ANGPT1: variants seen among roughly 807,000 people sequenced by gnomAD.
ANGPT1 encodes the protein angiopoietin 1.
A neutral mutation model predicts 62.2 loss-of-function variants in ANGPT1; 17 were observed. That is an observed-to-expected ratio of 0.27 (90% CI 0.19 to 0.41). The LOEUF (loss-of-function observed/expected upper bound fraction) is 0.41, where lower values mean the gene tolerates loss of function less well. Among genes scored for constraint, ANGPT1 ranks in the 10% least tolerant of loss-of-function variants. The pLI, the probability that ANGPT1 is intolerant of heterozygous loss-of-function variation, is 1.00. For missense variants in ANGPT1, 478 were observed against 594.9 expected (o/e 0.80, Z 2.04); for synonymous variants, 199 against 198.9 (o/e 1.00, Z 0.00).
chr8:107,258,594 T>C (rs972780094), intron 8 of ANGPT1, among the ~76,000 whole-genome samples: 6 of 152,186 alleles, frequency 3.9e-5, no homozygotes, highest in African/African-American at 9.6e-5. Flanking sequence ...CATTTTCTGA[T>C]ACTCTTTGCT....
intron 1 of ANGPT1, among the ~76,000 whole-genome samples, chr8:107,440,549 T>C (rs1346152912): frequency 6.6e-6 from 1 of 152,228 alleles, no homozygotes; most frequent in Non-Finnish European, 1.5e-5. Context: ...CTAGCATGCA[T>C]TTTTGTTTAC....
intron 1 of ANGPT1, among the ~76,000 whole-genome samples, chr8:107,352,468 C>G (rs541009784): frequency 6.6e-6 from 1 of 152,244 alleles, no homozygotes; most frequent in East Asian, 1.9e-4. Context: ...CTATCATTCT[C>G]CATCATGAGA....
At chr8:107,480,107 T>C (rs1005937269) in intron 1 of ANGPT1, among the ~76,000 whole-genome samples, 18 of 152,166 alleles carry the variant, frequency 1.2e-4, no homozygotes, top group Non-Finnish European at 2.4e-4. Flanking sequence ...TTTCAATGCC[T>C]GTTATAGTGA....
chr8:107,385,698 T>A (rs2130287634), intron 1 of ANGPT1, among the ~76,000 whole-genome samples: 1 of 152,198 alleles, frequency 6.6e-6, no homozygotes, highest in African/African-American at 2.4e-5. Flanking sequence ...TGAACATCCT[T>A]GTTTCATTTC....
At chr8:107,375,012 C>T (rs1672186) in intron 1 of ANGPT1, among the ~76,000 whole-genome samples, 112,604 of 151,688 alleles carry the variant, frequency 0.74, 42,670 homozygotes, top group East Asian at 0.87. Flanking sequence ...ATACAAAAAT[C>T]AGCTGGGCGT....
At chr8:107,465,925 T>G (rs1471824683) in intron 1 of ANGPT1, among the ~76,000 whole-genome samples, 1 of 152,122 alleles carries the variant, frequency 6.6e-6, no homozygotes, top group African/African-American at 2.4e-5. Flanking sequence ...GGAGGTGCAG[T>G]TCTAGGAACA....
intron 1 of ANGPT1, among the ~76,000 whole-genome samples, chr8:107,392,433 A>C (rs1358123322): frequency 6.6e-6 from 1 of 152,160 alleles, no homozygotes. Context: ...TTCTATTTTG[A>C]CTAATAATAA....
chr8:107,252,162 T>C, intron 8 of ANGPT1, 147 bp from the exon 9 acceptor site: 1 of 790,980 alleles, frequency 1.3e-6, no homozygotes, highest in Non-Finnish European at 2.0e-6. Context: ...AGTAAATATA[T>C]TCCCAGTAGT....
At chr8:107,257,876 G>GTTTTTTTTTTTTTTTTTTTTTTTTTTT (rs1371396961) in intron 8 of ANGPT1, among the ~76,000 whole-genome samples, 12 of 85,300 alleles carry the variant, frequency 1.4e-4, no homozygotes, top group East Asian at 3.4e-4. Context: ...ACTTGTTTTT[G>GTTTTTTTTTTTTTTTTTTTTTTTTTTT]TTTCTTTTTT....
intron 6 of ANGPT1, among the ~76,000 whole-genome samples, chr8:107,287,758 G>C (rs1814177052): frequency 6.6e-6 from 1 of 152,122 alleles, no homozygotes; most frequent in African/African-American, 2.4e-5. Flanking sequence ...TTAAAGCCTT[G>C]AACTGCCACA....
At chr8:107,440,399 T>C (rs1377644597) in intron 1 of ANGPT1, among the ~76,000 whole-genome samples, 1 of 152,220 alleles carries the variant, frequency 6.6e-6, no homozygotes. Context: ...CTTTAGTTTA[T>C]AGGCAGGTAG....
chr8:107,453,083 A>G (rs1811820798), intron 1 of ANGPT1, among the ~76,000 whole-genome samples: 1 of 152,046 alleles, frequency 6.6e-6, no homozygotes, highest in Admixed American at 6.6e-5. Context: ...GTAAAGATGC[A>G]CATGTGTGTG....
At chr8:107,380,739 A>G (rs1311176784) in intron 1 of ANGPT1, among the ~76,000 whole-genome samples, 3 of 152,174 alleles carry the variant, frequency 2.0e-5, no homozygotes, top group Non-Finnish European at 4.4e-5. Context: ...TCTACTGCAT[A>G]TCATCCCCAC....
intron 1 of ANGPT1, among the ~76,000 whole-genome samples, chr8:107,409,976 TC>T (rs1586298718): frequency 6.7e-6 from 1 of 150,078 alleles, no homozygotes; most frequent in East Asian, 1.9e-4. Flanking sequence ...CATCCATCCA[TC>T]CATCCATCCA....
chr8:107,326,263 A>G (rs1001923124), intron 3 of ANGPT1, among the ~76,000 whole-genome samples: 3 of 152,170 alleles, frequency 2.0e-5, no homozygotes, highest in African/African-American at 7.2e-5. Flanking sequence ...CTACAAGCAA[A>G]TTGGAAACAT....
intron 1 of ANGPT1, among the ~76,000 whole-genome samples, chr8:107,373,926 C>A (rs1816470006): frequency 6.6e-6 from 1 of 152,200 alleles, no homozygotes; most frequent in South Asian, 2.1e-4. Flanking sequence ...AAGATACTGC[C>A]TATGCTAGCA....
In ANGPT1 at chr8:107,428,021, T is replaced by A. The variant is rs933188018; in HGVS notation, c.297+69241A>T. On this transcript the variant is annotated intron_variant, in intron 1 of 8. Coordinates refer to ENST00000517746, the MANE Select transcript of ANGPT1 (RefSeq NM_001146.5). ...TGCGTTACAAATTGAAGAAGCCATA[T>A]TTTGAAAGGCAGCTTATCCAGTAGG... Among the ~76,000 whole-genome samples the A allele has an allele frequency of 1.3e-5, 2 of 152,180 alleles. 1 individual carries two copies. Among genetic ancestry groups the A allele is most frequent in the Non-Finnish European group, 2.9e-5 (2 of 68,030 alleles).
At chr8:107,436,106 A>G (rs1811325639) in intron 1 of ANGPT1, among the ~76,000 whole-genome samples, 2 of 152,004 alleles carry the variant, frequency 1.3e-5, no homozygotes, top group Admixed American at 6.6e-5. Flanking sequence ...GGGTCTCTCT[A>G]TGTTGCCCAG....
At chr8:107,494,521 C>T (rs1201817050) in intron 1 of ANGPT1, 1 of 152,230 alleles carries the variant, frequency 6.6e-6, no homozygotes, top group Non-Finnish European at 1.5e-5. Context: ...ATTCACACCA[C>T]CCTTCCTGGT....
Sources: gnomAD v4.1 joint callset for allele counts (sites outside exome capture counted in the v4.1 genomes callset) on GRCh38, gnomAD v4.1.1 for gene constraint, MANE v1.5 for transcripts, NCBI Gene and HGNC (gene_info 2026-07-23, HGNC 2026-07-21) for gene names.